The following DISC1 variants were observed in gnomAD, a reference collection of about 807,000 sequenced individuals.
The protein encoded by DISC1 is DISC1 scaffold protein.
DISC1 carries 57 observed loss-of-function variants against 84.5 expected under a neutral mutation model. The observed-to-expected ratio is 0.67, with a 90% CI of 0.55 to 0.84. DISC1 has a LOEUF of 0.84. Among genes scored for constraint, DISC1 ranks in the 40% least tolerant of loss-of-function variants. DISC1 has a pLI of 0.00. For missense variants in DISC1, 1,000 were observed against 1,057.8 expected, an observed-to-expected ratio of 0.95 and a Z score of 0.76; for synonymous variants, 411 against 415.2, an observed-to-expected ratio of 0.99 and a Z score of 0.12.
Position 232,036,741 on chromosome 1 carries a change from G to T in DISC1, c.2475G>T (p.Met825Ile). The change falls in exon 13 of 13, where the codon ATG becomes ATT. Residue 825 changes from methionine to isoleucine, a missense_variant. Transcript: ENST00000439617. ...LQMVKETLQA[M>I]ILQLQPAKEA... ...TGGTGAAGGAAACTCTGCAGGCCAT[G>T]ATCCTGCAGCTCCAGCCAGCAAAGG... 1 of 1,608,450 alleles carries T rather than the reference G, an allele frequency of 6.2e-7. No homozygotes were observed. The highest frequency in any genetic ancestry group is 8.5e-7 in the Non-Finnish European group (1 of 1,176,080).
intron 9 of DISC1, chr1:231,944,823 A>T (rs1656823386): frequency 6.6e-6 from 1 of 152,350 alleles, no homozygotes; most frequent in African/African-American, 2.4e-5. Flanking sequence ...CTTTAAACCA[A>T]CAAAGATCAA....
chr1:231,874,206 G>A (rs1415759880), intron 9 of DISC1, among the ~76,000 whole-genome samples: 1 of 151,530 alleles, frequency 6.6e-6, no homozygotes, highest in Admixed American at 6.6e-5. Flanking sequence ...TCACCAGGCT[G>A]GAGTGCAGTG....
intron 3 of DISC1, among the ~76,000 whole-genome samples, chr1:231,728,906 A>G (rs1290425394): frequency 2.6e-5 from 4 of 152,324 alleles, no homozygotes; most frequent in African/African-American, 9.6e-5. Flanking sequence ...GGTTTGTTAC[A>G]TATGTATACG....
intron 10 of DISC1, among the ~76,000 whole-genome samples, chr1:232,005,541 A>C (rs540052022): frequency 1.3e-5 from 2 of 152,014 alleles, no homozygotes; most frequent in South Asian, 4.1e-4. Flanking sequence ...ATCTTTTCCT[A>C]TTTTGAGTTG....
chr1:232,036,405 A>T (rs1670523783), intron 12 of DISC1, among the ~76,000 whole-genome samples: 1 of 152,192 alleles, frequency 6.6e-6, no homozygotes, highest in Non-Finnish European at 1.5e-5. Context: ...ATCATTGAGC[A>T]TCTGAGTTGA....
Position 231,694,640 on chromosome 1 carries a change from AC to A in DISC1, c.884del (p.Pro295GlnfsTer48), listed in dbSNP as rs1342561061. On this transcript the variant is annotated frameshift_variant, in exon 2 of 13. Transcript: ENST00000439617. LOFTEE classifies it high-confidence loss of function. ...SRPERDMHSL[P>X]DMDPGSSSSL... ...GGCCAGAGCGTGACATGCATTCTTT[AC>A]CAGACATGGACCCTGGCTCCTCCAG... The A allele has an allele frequency of 1.2e-6, 2 of 1,614,232 alleles. No individual in the cohort carries two copies. The highest frequency in any genetic ancestry group is 1.7e-6 in the Non-Finnish European group (2 of 1,180,038).
At position 231,694,793 on chromosome 1, in the gene DISC1, G is replaced by A. The variant is rs764954250; in HGVS notation, c.1035G>A (p.Arg345=). Residue 345 remains arginine, a synonymous_variant, in exon 2 of 13, where the codon CGG becomes CGA. Transcript: ENST00000439617. Reference sequence around the variant, plus strand: ...TGCGGGACTGCCTGCTGAGAAACCGGAGGCAGATGGAGGTCAGTGTCTCTT... The same window carrying A: ...TGCGGGACTGCCTGCTGAGAAACCGAAGGCAGATGGAGGTCAGTGTCTCTT... ...PVLRDCLLRN[R]RQMEVISLRL... 3 of 1,613,674 alleles carry A rather than the reference G, an allele frequency of 1.9e-6. No individual in the cohort carries two copies. In the South Asian group the frequency reaches 3.3e-5, roughly 18 times the overall value.
chr1:231,999,036 A>C (rs1258738469), intron 10 of DISC1, among the ~76,000 whole-genome samples: 1 of 152,208 alleles, frequency 6.6e-6, no homozygotes, highest in Non-Finnish European at 1.5e-5. Context: ...TTACAGATAC[A>C]AAGGAAACTA....
chr1:231,758,715 A>T (rs1160737212), intron 4 of DISC1, among the ~76,000 whole-genome samples: 1 of 152,228 alleles, frequency 6.6e-6, no homozygotes, highest in East Asian at 1.9e-4. Context: ...TGTGTCTTCC[A>T]TCCAATCAAA....
At chr1:231,937,582 C>G (rs1483556738) in intron 9 of DISC1, among the ~76,000 whole-genome samples, 1 of 152,204 alleles carries the variant, frequency 6.6e-6, no homozygotes, top group African/African-American at 2.4e-5. Context: ...TGGCCCCCGG[C>G]CAGGGTTACA....
chr1:231,900,077 C>T (rs900730637), intron 9 of DISC1, among the ~76,000 whole-genome samples: 1 of 152,190 alleles, frequency 6.6e-6, no homozygotes, highest in Non-Finnish European at 1.5e-5. Flanking sequence ...ATGCAGTCTT[C>T]TGAATAGTCT....
chr1:231,872,698 T>C (rs1431005525), intron 9 of DISC1, among the ~76,000 whole-genome samples: 1 of 152,198 alleles, frequency 6.6e-6, no homozygotes, highest in Non-Finnish European at 1.5e-5. Flanking sequence ...AGTTTTATTT[T>C]AAACCAATCC....
chr1:231,985,234 G>A (rs1445028924), intron 10 of DISC1, among the ~76,000 whole-genome samples: 1 of 151,330 alleles, frequency 6.6e-6, no homozygotes, highest in African/African-American at 2.4e-5. Context: ...GCTGAGGTAG[G>A]AGAATTGCTT....
chr1:231,759,361 A>G (rs2075420479), intron 4 of DISC1, among the ~76,000 whole-genome samples: 1 of 152,010 alleles, frequency 6.6e-6, no homozygotes, highest in Admixed American at 6.6e-5. Flanking sequence ...TTTACCCAGG[A>G]TATAAAATGA....
chr1:231,841,937 A>G (rs1461597783), intron 9 of DISC1, among the ~76,000 whole-genome samples: 2 of 152,194 alleles, frequency 1.3e-5, no homozygotes, highest in Admixed American at 1.3e-4. Flanking sequence ...CTTTTTGCAT[A>G]CTTTGTAATT....
At chr1:231,707,901 A>G (rs1328562851) in intron 3 of DISC1, among the ~76,000 whole-genome samples, 2 of 152,200 alleles carry the variant, frequency 1.3e-5, no homozygotes, top group Non-Finnish European at 2.9e-5. Flanking sequence ...GAAAAATCAC[A>G]GTCCTGAAAG....
intron 9 of DISC1, among the ~76,000 whole-genome samples, chr1:231,820,768 T>C (rs541412331): frequency 6.6e-6 from 1 of 152,300 alleles, no homozygotes. Context: ...ACATCTCTGC[T>C]ACGGCCACAT....
intron 10 of DISC1, among the ~76,000 whole-genome samples, chr1:231,986,251 G>C (rs1664422308): frequency 6.6e-6 from 1 of 152,136 alleles, no homozygotes; most frequent in Non-Finnish European, 1.5e-5. Context: ...CTCAAGTTGG[G>C]AATGGTCATC....
At chr1:231,876,012 G>A (rs911635129) in intron 9 of DISC1, among the ~76,000 whole-genome samples, 1 of 152,146 alleles carries the variant, frequency 6.6e-6, no homozygotes, top group African/African-American at 2.4e-5. Flanking sequence ...ATAAATGTGG[G>A]CTGAAAAGGC....
Sources: gnomAD v4.1 joint callset for allele counts (sites outside exome capture counted in the v4.1 genomes callset) on GRCh38, gnomAD v4.1.1 for gene constraint, MANE v1.5 for transcripts, NCBI Gene and HGNC (gene_info 2026-07-23, HGNC 2026-07-21) for gene names.